ZYG11B: variants seen among roughly 807,000 people sequenced by gnomAD.
The protein encoded by ZYG11B is protein zyg-11 homolog B.
Under a neutral mutation model 82.4 loss-of-function variants are expected in ZYG11B, and 36 were observed. The observed-to-expected ratio is 0.44, with a 90% confidence interval of 0.33 to 0.58. The LOEUF is 0.58. Among genes scored for constraint, ZYG11B ranks in the 20% least tolerant of loss-of-function variants. The pLI is 0.02. For missense variants in ZYG11B, 552 were observed against 895.6 expected, an observed-to-expected ratio of 0.62 and a Z score of 4.90; for synonymous variants, 303 against 312.8, an observed-to-expected ratio of 0.97 and a Z score of 0.33.
chr1:52,797,506 T>A (rs1366611361), intron 8 of ZYG11B, among the ~76,000 whole-genome samples: 37 of 91,350 alleles, frequency 4.1e-4, no homozygotes, highest in African/African-American at 9.6e-4. Flanking sequence ...TATATAAAAA[T>A]ATATATATAT....
chr1:52,799,789 C>G (rs1645060494), intron 8 of ZYG11B, among the ~76,000 whole-genome samples: 1 of 151,198 alleles, frequency 6.6e-6, no homozygotes, highest in South Asian at 2.1e-4. Flanking sequence ...AGTGAGACTC[C>G]GTCTCAAAAA....
chr1:52,735,332 A>G (rs1473755270), intron 1 of ZYG11B, among the ~76,000 whole-genome samples: 2 of 152,172 alleles, frequency 1.3e-5, no homozygotes, highest in Non-Finnish European at 2.9e-5. Flanking sequence ...CCCGGCCCAA[A>G]TCACTTTTCT....
chr1:52,736,441 TTTTTTC>T (rs924267597), intron 1 of ZYG11B, among the ~76,000 whole-genome samples: 3 of 151,638 alleles, frequency 2.0e-5, no homozygotes, highest in African/African-American at 7.3e-5. Context: ...CCCAGCTAAT[TTTTTTC>T]TTTTTCTTTT....
At chr1:52,808,526 A>G (rs1251216789) in intron 10 of ZYG11B, among the ~76,000 whole-genome samples, 2 of 152,006 alleles carry the variant, frequency 1.3e-5, no homozygotes, top group Admixed American at 6.6e-5. Context: ...TTTAGCCATT[A>G]TTTCTTTTTA....
chr1:52,814,014 A>G, intron 12 of ZYG11B, 102 bp downstream of exon 12: 2 of 1,028,728 alleles, frequency 1.9e-6, no homozygotes, highest in Non-Finnish European at 2.9e-6. Context: ...AGGCACCTCA[A>G]TATTGGTTAT....
chr1:52,744,319 C>G (rs949818063), intron 1 of ZYG11B, among the ~76,000 whole-genome samples: 4 of 152,148 alleles, frequency 2.6e-5, no homozygotes, highest in Non-Finnish European at 5.9e-5. Context: ...CAGTAACATG[C>G]TGTACAGGTT....
intron 10 of ZYG11B, among the ~76,000 whole-genome samples, chr1:52,802,765 A>G (rs891846929): frequency 6.6e-6 from 1 of 152,030 alleles, no homozygotes; most frequent in Admixed American, 6.6e-5. Context: ...TGGAAAATAA[A>G]TGTTATTAAA....
Position 52,752,671 on chromosome 1 carries a change from C to T in ZYG11B, c.31-3787C>T, listed in dbSNP as rs375660618. On this transcript the variant is annotated intron_variant, in intron 1 of 13. Transcript: ENST00000294353. ...GTGGAAATCTGGGACTTGTGACTGG[C>T]ACCTGCAGTGGGGACAGTGGCCTAA... Among the ~76,000 whole-genome samples the T allele has an allele frequency of 5.9e-5, 9 of 152,132 alleles. No individual in the cohort carries two copies. In the East Asian group the frequency reaches 9.6e-4, roughly 16 times the overall value.
At chr1:52,818,264 G>A (rs1645252268) in intron 13 of ZYG11B, among the ~76,000 whole-genome samples, 2 of 151,570 alleles carry the variant, frequency 1.3e-5, no homozygotes, top group South Asian at 4.2e-4. Flanking sequence ...CTTGAGCCCG[G>A]GAGTTTGAGA....
intron 3 of ZYG11B, among the ~76,000 whole-genome samples, chr1:52,776,248 A>ATATAT (rs1425431576): frequency 1.1e-5 from 1 of 94,788 alleles, no homozygotes; most frequent in South Asian, 3.5e-4. Context: ...ATATATATGC[A>ATATAT]ATAAAGTTGG....
chr1:52,726,781 G>A, intron 1 of ZYG11B, 98 bp downstream of exon 1: 1 of 1,228,820 alleles, frequency 8.1e-7, no homozygotes, highest in Non-Finnish European at 1.1e-6. Context: ...TGTCTCTGGT[G>A]TCCCCTCGGG....
chr1:52,794,971 A>T (rs541380471), intron 6 of ZYG11B, among the ~76,000 whole-genome samples: 4 of 152,150 alleles, frequency 2.6e-5, no homozygotes, highest in African/African-American at 9.7e-5. Context: ...AACACAGATG[A>T]TCGAGTAGTC....
chr1:52,791,139 T>G (rs1162085879), intron 6 of ZYG11B, among the ~76,000 whole-genome samples: 1 of 151,700 alleles, frequency 6.6e-6, no homozygotes, highest in Non-Finnish European at 1.5e-5. Flanking sequence ...GCTGGGCTAA[T>G]TTTTGTATTT....
intron 8 of ZYG11B, among the ~76,000 whole-genome samples, 175 bp downstream of exon 8, chr1:52,796,959 TTA>T (rs1251758406): frequency 2.8e-4 from 26 of 91,428 alleles, no homozygotes; most frequent in South Asian, 2.8e-4. Flanking sequence ...TAATTATATA[TTA>T]TATATAATAT....
intron 2 of ZYG11B, among the ~76,000 whole-genome samples, chr1:52,767,182 CGTTAT>C (rs1446319261): frequency 3.1e-5 from 4 of 130,714 alleles, no homozygotes; most frequent in South Asian, 2.4e-4. Flanking sequence ...TATTTTGTTA[CGTTAT>C]GTTATTTTAT....
At chr1:52,745,301 G>A (rs547115824) in intron 1 of ZYG11B, among the ~76,000 whole-genome samples, 1 of 152,268 alleles carries the variant, frequency 6.6e-6, no homozygotes, top group African/African-American at 2.4e-5. Flanking sequence ...GGGGGTTGTG[G>A]GAAGGAAGGG....
chr1:52,813,054 C>T lies in ZYG11B; in HGVS notation c.1696-482C>T, dbSNP rs776105971. Among the ~76,000 whole-genome samples the T allele has an allele frequency of 2.0e-5, 3 of 152,258 alleles. No homozygotes were observed. In the South Asian group the frequency reaches 6.2e-4, roughly 32 times the overall value. ...CCCTACGGTTCATATATAATTTAGC[C>T]CTACTACTATCAAATACTTTGCTTA... is the stretch of plus-strand genomic sequence containing the variant. On this transcript the variant is annotated intron_variant, in intron 10 of 13. Coordinates refer to ENST00000294353, the MANE Select transcript of ZYG11B (RefSeq NM_024646.3).
rs1645317833 is a variant in ZYG11B at position 52,825,594 on chromosome 1, T to C, written c.*3965T>C. ...ATATCTAGCTTTAGGAAGTTGCCCT[T>C]ACAGGTGGGACCTTTTGTGTTAATC... is the stretch of plus-strand genomic sequence containing the variant. On this transcript the variant is annotated 3_prime_UTR_variant, in exon 14 of 14. Coordinates refer to ENST00000294353, the MANE Select transcript of ZYG11B (RefSeq NM_024646.3). 6.6e-6 allele frequency: 1 copy of C among 151,512 alleles called. No homozygotes were observed. Among genetic ancestry groups the C allele is most frequent in the African/African-American group, 2.4e-5 (1 of 41,146 alleles). The allele number at this position is 151,512 out of a possible 1,614,324, so 9.4% of individuals were successfully genotyped here.
At chr1:52,800,666 A>G (rs766569408) in intron 8 of ZYG11B, among the ~76,000 whole-genome samples, 4 of 151,964 alleles carry the variant, frequency 2.6e-5, no homozygotes, top group Non-Finnish European at 4.4e-5. Flanking sequence ...AAAATTAGCC[A>G]GGTGTGGTGG....
Sources: gnomAD v4.1 joint callset for allele counts (sites outside exome capture counted in the v4.1 genomes callset) on GRCh38, gnomAD v4.1.1 for gene constraint, MANE v1.5 for transcripts, NCBI Gene and HGNC (gene_info 2026-07-23, HGNC 2026-07-21) for gene names.